COMMD10: variants seen among roughly 807,000 people sequenced by gnomAD.
The protein encoded by COMMD10 is COMM domain containing 10.
Under a neutral mutation model 28.9 loss-of-function variants are expected in COMMD10, and 33 were observed. That is an observed-to-expected ratio of 1.14 (90% CI 0.87 to 1.53). COMMD10 has a LOEUF of 1.53. COMMD10 is among the 40% of genes most tolerant of loss of function. COMMD10 has a pLI of 0.00. For missense variants in COMMD10, 310 were observed against 233.4 expected, an observed-to-expected ratio of 1.33 and a Z score of -2.14; for synonymous variants, 110 against 81.7, an observed-to-expected ratio of 1.35 and a Z score of -1.87.
intron 5 of COMMD10, among the ~76,000 whole-genome samples, chr5:116,220,285 G>A (rs1749214313): frequency 6.6e-6 from 1 of 152,148 alleles, no homozygotes; most frequent in African/African-American, 2.4e-5. Flanking sequence ...TCTCATTCAT[G>A]TTCTTCAGGA....
At chr5:116,113,145 A>G (rs535766823) in intron 4 of COMMD10, among the ~76,000 whole-genome samples, 1 of 152,014 alleles carries the variant, frequency 6.6e-6, no homozygotes, top group Non-Finnish European at 1.5e-5. Context: ...ATGTCGTCAC[A>G]TTTTTTCCTG....
intron 5 of COMMD10, among the ~76,000 whole-genome samples, chr5:116,273,627 A>G (rs1479462366): frequency 6.6e-6 from 1 of 151,824 alleles, no homozygotes; most frequent in Non-Finnish European, 1.5e-5. Context: ...GATACAAAAC[A>G]TTAAACCAAA....
At chr5:116,238,798 C>G (rs1580573188) in intron 5 of COMMD10, among the ~76,000 whole-genome samples, 1 of 149,916 alleles carries the variant, frequency 6.7e-6, no homozygotes, top group Non-Finnish European at 1.5e-5. Context: ...GAGGGAGAGA[C>G]TGGGCTTTGA....
intron 5 of COMMD10, among the ~76,000 whole-genome samples, chr5:116,229,683 A>G (rs904699317): frequency 3.3e-5 from 5 of 152,090 alleles, no homozygotes; most frequent in African/African-American, 1.2e-4. Context: ...AAATTATGAC[A>G]GTATATAATT....
At chr5:116,146,065 T>G (rs928856963) in intron 5 of COMMD10, among the ~76,000 whole-genome samples, 1 of 152,020 alleles carries the variant, frequency 6.6e-6, no homozygotes, top group African/African-American at 2.4e-5. Flanking sequence ...GACTTTTAAT[T>G]TGAGTCTTGA....
chr5:116,160,903 T>G (rs1014067080), intron 5 of COMMD10, among the ~76,000 whole-genome samples: 1 of 152,188 alleles, frequency 6.6e-6, no homozygotes, highest in Non-Finnish European at 1.5e-5. Context: ...CCTGTGCTAT[T>G]CTGTGTTGAA....
chr5:116,145,362 A>G (rs1198523001), intron 5 of COMMD10, among the ~76,000 whole-genome samples: 1 of 151,644 alleles, frequency 6.6e-6, no homozygotes, highest in African/African-American at 2.4e-5. Context: ...GCACATGTGG[A>G]GTAGGTGGAT....
intron 5 of COMMD10, among the ~76,000 whole-genome samples, chr5:116,177,444 G>A (rs1311292452): frequency 6.6e-6 from 1 of 151,842 alleles, no homozygotes; most frequent in Non-Finnish European, 1.5e-5. Flanking sequence ...CCTGCCTTCA[G>A]AATCTTCCTC....
intron 5 of COMMD10, among the ~76,000 whole-genome samples, chr5:116,225,082 T>A (rs1749356917): frequency 6.6e-6 from 1 of 152,176 alleles, no homozygotes; most frequent in East Asian, 1.9e-4. Flanking sequence ...AATTTGTTGC[T>A]GTGACCATTT....
rs763359634 is a variant in COMMD10 at position 116,292,542 on chromosome 5, A to G, written c.*53A>G. 5 of 1,473,744 alleles carry G rather than the reference A, an allele frequency of 3.4e-6. No homozygotes were observed. Among genetic ancestry groups the G allele is most frequent in the African/African-American group, 2.8e-5 (2 of 70,748 alleles). The allele number at this position is 1,473,744 out of a possible 1,614,324, so 91.3% of individuals were successfully genotyped here. On this transcript the variant is annotated 3_prime_UTR_variant, in exon 7 of 7. Transcript: ENST00000274458. ...CGCTCCTGCCACCTCATTATTTTGC[A>G]TTGAAGATACATTGCCAGGTTGTGT...
chr5:116,218,794 C>T (rs774304400), intron 5 of COMMD10, among the ~76,000 whole-genome samples: 1 of 152,154 alleles, frequency 6.6e-6, no homozygotes, highest in Non-Finnish European at 1.5e-5. Context: ...AAAGAACTTA[C>T]ATTCCTTCCT....
chr5:116,238,847 T>A (rs1209460374), intron 5 of COMMD10, among the ~76,000 whole-genome samples: 1 of 152,210 alleles, frequency 6.6e-6, no homozygotes, highest in African/African-American at 2.4e-5. Flanking sequence ...AGTAATTGTT[T>A]CTGTCACTTA....
At chr5:116,278,810 C>G (rs7727882) in intron 5 of COMMD10, among the ~76,000 whole-genome samples, 16,174 of 151,690 alleles carry the variant, frequency 0.11, 1,086 homozygotes, top group African/African-American at 0.15. Flanking sequence ...AAGCTAACTA[C>G]AGAATAAATA....
intron 5 of COMMD10, among the ~76,000 whole-genome samples, chr5:116,141,821 A>G (rs1349081985): frequency 6.6e-6 from 1 of 151,820 alleles, no homozygotes; most frequent in Non-Finnish European, 1.5e-5. Context: ...TGTAAGGTGT[A>G]TGCTACTTTA....
intron 4 of COMMD10, among the ~76,000 whole-genome samples, chr5:116,119,603 C>A (rs571198459): frequency 2.9e-4 from 44 of 151,818 alleles, no homozygotes; most frequent in African/African-American, 1.1e-3. Flanking sequence ...GCCCTGGCAT[C>A]TTATTATTTT....
chr5:116,287,050 A>G lies in COMMD10; in HGVS notation c.511-4467A>G, dbSNP rs1156994021. ...TCATGTAAATACAGTAAGTCCTCAT[A>G]TAACATTGTGATAGGTTCTTGGAAA... On this transcript the variant is annotated intron_variant, in intron 5 of 6. Transcript: ENST00000274458. Among the ~76,000 whole-genome samples, 2 of 151,848 alleles carry G rather than the reference A, an allele frequency of 1.3e-5. 1 individual carries two copies. Among genetic ancestry groups the G allele is most frequent in the African/African-American group, 4.9e-5 (2 of 41,210 alleles).
chr5:116,104,898 C>T (rs774298865), intron 4 of COMMD10, among the ~76,000 whole-genome samples: 5 of 152,190 alleles, frequency 3.3e-5, no homozygotes, highest in East Asian at 1.9e-4. Flanking sequence ...GGATTACAGG[C>T]GTGAGCCACC....
rs76795332 is a variant in COMMD10, at chr5:116,138,426, C to T, written c.510+4248C>T. Among the ~76,000 whole-genome samples, 1,248 of 151,876 alleles carry T rather than the reference C, an allele frequency of 8.2e-3. 51 individuals are homozygous for T. The East Asian group carries it at 0.098, about 12-fold the overall frequency. ...ATTCTTTATTTCTAGAGAGTAATGT[C>T]ATTTGTAACAAATGTTGATAATTTT... On this transcript the variant is annotated intron_variant, in intron 5 of 6. Transcript: ENST00000274458.
chr5:116,105,305 A>T (rs1342097018), intron 4 of COMMD10, among the ~76,000 whole-genome samples: 3 of 152,202 alleles, frequency 2.0e-5, no homozygotes, highest in Admixed American at 2.0e-4. Flanking sequence ...CCAGGGATGA[A>T]GCCGACTTGA....
Sources: allele counts gnomAD v4.1 joint callset (sites outside exome capture counted in the v4.1 genomes callset), GRCh38; gene constraint gnomAD v4.1.1; transcripts MANE v1.5; gene names NCBI Gene and HGNC (gene_info 2026-07-23, HGNC 2026-07-21).